The following ESRRG variants were observed in gnomAD, a reference collection of about 807,000 sequenced individuals.
ESRRG encodes estrogen-related receptor gamma.
In ESRRG, 13 loss-of-function variants were observed where a neutral mutation model predicts 44.0. The observed-to-expected ratio is 0.30, with a 90% confidence interval of 0.19 to 0.47. The LOEUF is 0.47. Ranked by LOEUF, ESRRG falls within the 20% of genes least tolerant of loss-of-function variation. ESRRG has a pLI of 1.00. For missense variants in ESRRG, 395 were observed against 580.6 expected, an observed-to-expected ratio of 0.68 and a Z score of 3.29; for synonymous variants, 215 against 214.6, an observed-to-expected ratio of 1.00 and a Z score of -0.02.
Position 216,559,307 on chromosome 1 carries a change from A to G in ESRRG, c.862+4912T>C, listed in dbSNP as rs1188889714. Among the ~76,000 whole-genome samples, 11 of 152,352 alleles carry G rather than the reference A, an allele frequency of 7.2e-5. No individual in the cohort carries two copies. The East Asian group carries it at 2.1e-3, about 29-fold the overall frequency. ...AATCATTAGGTTACATACACAAAAG[A>G]AAAGTTAATCCTGAAAAAAGAGGCT... On this transcript the variant is annotated intron_variant, in intron 5 of 6. Coordinates refer to ENST00000408911, the MANE Select transcript of ESRRG (RefSeq NM_001438.4).
At chr1:216,674,433 C>T (rs551499942) in intron 2 of ESRRG, among the ~76,000 whole-genome samples, 38 of 152,020 alleles carry the variant, frequency 2.5e-4, no homozygotes, top group East Asian at 5.8e-4. Flanking sequence ...AATATAGCAA[C>T]GATGAGCCAG....
At chr1:216,792,999 G>A (rs909712048) in intron 2 of ESRRG, among the ~76,000 whole-genome samples, 1 of 152,132 alleles carries the variant, frequency 6.6e-6, no homozygotes, top group Non-Finnish European at 1.5e-5. Flanking sequence ...ATGCAATACA[G>A]TTAGAATTCA....
chr1:216,544,206 A>G (rs2053761216), intron 5 of ESRRG, among the ~76,000 whole-genome samples: 1 of 151,954 alleles, frequency 6.6e-6, no homozygotes, highest in Non-Finnish European at 1.5e-5. Context: ...TTATTTTTTC[A>G]TCAAGAGTAA....
At chr1:216,983,240 T>C (rs571829555) in intron 1 of ESRRG, among the ~76,000 whole-genome samples, 5 of 138,374 alleles carry the variant, frequency 3.6e-5, no homozygotes, top group African/African-American at 1.3e-4. Context: ...GATTTTTTTA[T>C]TTTTTTTTTG....
intron 1 of ESRRG, among the ~76,000 whole-genome samples, chr1:216,976,628 C>A (rs372564134): frequency 1.1e-4 from 16 of 152,304 alleles, no homozygotes; most frequent in African/African-American, 2.9e-4. Flanking sequence ...AGGTAGCATT[C>A]ATCTCTTCAT....
At chr1:216,718,967 C>T (rs577024866) in intron 1 of ESRRG, among the ~76,000 whole-genome samples, 9 of 151,974 alleles carry the variant, frequency 5.9e-5, no homozygotes, top group Admixed American at 4.6e-4. Flanking sequence ...CTATTAATTG[C>T]CATTTGTATG....
chr1:216,526,681 A>G (rs1453847140), intron 5 of ESRRG, among the ~76,000 whole-genome samples: 2 of 152,180 alleles, frequency 1.3e-5, no homozygotes, highest in African/African-American at 4.8e-5. Context: ...GTCAATTGCA[A>G]ACTGTGGACT....
At chr1:217,100,635 T>C (rs1329252816) in intron 1 of ESRRG, among the ~76,000 whole-genome samples, 1 of 152,222 alleles carries the variant, frequency 6.6e-6, no homozygotes, top group Non-Finnish European at 1.5e-5. Flanking sequence ...ACATGAAGCA[T>C]AGTGCTGGCA....
At chr1:217,102,080 A>G (rs1371970596) in intron 1 of ESRRG, among the ~76,000 whole-genome samples, 2 of 152,236 alleles carry the variant, frequency 1.3e-5, no homozygotes, top group Admixed American at 6.5e-5. Flanking sequence ...TGCTGGGACT[A>G]CAGGTGTGAG....
At chr1:217,020,344 A>G (rs992103523) in intron 1 of ESRRG, among the ~76,000 whole-genome samples, 5 of 152,214 alleles carry the variant, frequency 3.3e-5, no homozygotes, top group South Asian at 2.1e-4. Flanking sequence ...GACACAGTCT[A>G]TCTTCTTCTG....
intron 2 of ESRRG, among the ~76,000 whole-genome samples, chr1:216,831,730 C>T (rs569799861): frequency 2.6e-5 from 4 of 152,198 alleles, no homozygotes; most frequent in African/African-American, 9.6e-5. Context: ...AAAAAATTTT[C>T]CAGGCAATGA....
At chr1:216,917,693 A>G (rs759109360) in intron 2 of ESRRG, among the ~76,000 whole-genome samples, 16 of 152,202 alleles carry the variant, frequency 1.1e-4, no homozygotes, top group Non-Finnish European at 2.2e-4. Flanking sequence ...AGTACCTAGT[A>G]CAGAACCTGG....
At chr1:216,530,206 A>G (rs1455870262) in intron 5 of ESRRG, among the ~76,000 whole-genome samples, 1 of 151,950 alleles carries the variant, frequency 6.6e-6, no homozygotes, top group Non-Finnish European at 1.5e-5. Context: ...ATTAGAGTCT[A>G]ATATTGTAAG....
At chr1:216,857,905 AT>A (rs967222336) in intron 2 of ESRRG, among the ~76,000 whole-genome samples, 69 of 152,186 alleles carry the variant, frequency 4.5e-4, no homozygotes, top group African/African-American at 1.6e-3. Context: ...TTTCACTAAC[AT>A]TTCCCCCATG....
chr1:216,873,875 AAGGG>A (rs2096296813), intron 2 of ESRRG, among the ~76,000 whole-genome samples: 1 of 102,178 alleles, frequency 9.8e-6, no homozygotes, highest in Non-Finnish European at 2.0e-5. Context: ...GACAGGAGAG[AAGGG>A]AGGGAAGGGA....
chr1:216,809,539 T>C (rs918362700), intron 2 of ESRRG, among the ~76,000 whole-genome samples: 2 of 152,148 alleles, frequency 1.3e-5, no homozygotes, highest in Non-Finnish European at 2.9e-5. Flanking sequence ...TTTCCTGAAA[T>C]TTAAGAACAT....
In ESRRG at chr1:217,130,882, C is replaced by T. The variant is rs1240696982; in HGVS notation, c.-230+6785G>A. Among the ~76,000 whole-genome samples the T allele has an allele frequency of 3.9e-5, 5 of 126,784 alleles. No individual in the cohort carries two copies. In the East Asian group the frequency reaches 6.3e-4, roughly 16 times the overall value. The allele number at this position is 126,784 out of a possible 152,430, so 83.2% of individuals were successfully genotyped here. A position where few individuals can be genotyped will look rare whatever the true frequency, so the allele number is the denominator to read the frequency against. Reference sequence around the variant, plus strand: ...ATACATTTTCTCCCACGAAGAAATGCCTTTTATTGTCTTTTTTTTAACTAT... The same window carrying T: ...ATACATTTTCTCCCACGAAGAAATGTCTTTTATTGTCTTTTTTTTAACTAT... On this transcript the variant is annotated intron_variant, in intron 1 of 8. Transcript: ENST00000366940.
intron 6 of ESRRG, among the ~76,000 whole-genome samples, chr1:216,517,361 C>T (rs904965692): frequency 6.6e-6 from 1 of 152,096 alleles, no homozygotes; most frequent in Non-Finnish European, 1.5e-5. Context: ...GCAACAGAGA[C>T]AGAAATGCTG....
intron 2 of ESRRG, among the ~76,000 whole-genome samples, chr1:216,911,742 C>T (rs955874036): frequency 3.3e-5 from 5 of 151,970 alleles, no homozygotes; most frequent in African/African-American, 1.2e-4. Context: ...TTGCTGTCAA[C>T]CTAAAACTGC....
Sources: allele counts gnomAD v4.1 joint callset (sites outside exome capture counted in the v4.1 genomes callset), GRCh38; gene constraint gnomAD v4.1.1; transcripts MANE v1.5; gene names NCBI Gene and HGNC (gene_info 2026-07-23, HGNC 2026-07-21).